BANP: variants seen among roughly 807,000 people sequenced by gnomAD.
BANP encodes protein BANP.
BANP carries 11 observed loss-of-function variants against 68.1 expected under a neutral mutation model. The observed-to-expected ratio is 0.16, with a 90% CI of 0.10 to 0.27. The LOEUF (loss-of-function observed/expected upper bound fraction) is 0.27, where lower values mean the gene tolerates loss of function less well. Among genes scored for constraint, BANP ranks in the 10% least tolerant of loss-of-function variants. BANP has a pLI of 1.00. For missense variants in BANP, 504 were observed against 722.7 expected, an observed-to-expected ratio of 0.70 and a Z score of 3.47; for synonymous variants, 329 against 303.2, an observed-to-expected ratio of 1.09 and a Z score of -0.88.
chr16:87,967,139 C>G (rs537544574), intron 1 of BANP, among the ~76,000 whole-genome samples: 33 of 152,258 alleles, frequency 2.2e-4, no homozygotes, highest in African/African-American at 7.7e-4. Context: ...TGGGCTCTTC[C>G]GTGAGCTCTG....
intron 2 of BANP, among the ~76,000 whole-genome samples, chr16:87,978,873 G>A (rs904314423): frequency 3.3e-4 from 50 of 152,286 alleles, no homozygotes; most frequent in African/African-American, 1.2e-3. Context: ...ACGGCTTCCC[G>A]CAGGATAAGC....
chr16:88,005,557 G>A (rs943016529), intron 5 of BANP, among the ~76,000 whole-genome samples: 24 of 152,186 alleles, frequency 1.6e-4, no homozygotes, highest in African/African-American at 5.6e-4. Context: ...CACATCAGCA[G>A]CCCTTGGGAT....
chr16:88,038,574 G>A (rs530242753), intron 11 of BANP, among the ~76,000 whole-genome samples: 1 of 151,418 alleles, frequency 6.6e-6, no homozygotes, highest in Non-Finnish European at 1.5e-5. Flanking sequence ...AGGTGGTTTC[G>A]CTCCTGTGTA....
chr16:88,030,720 G>A (rs2077997089), intron 8 of BANP, among the ~76,000 whole-genome samples: 1 of 152,190 alleles, frequency 6.6e-6, no homozygotes, highest in Non-Finnish European at 1.5e-5. Flanking sequence ...TGCTGGCTGC[G>A]CTGGTAGGCA....
At position 88,064,193 on chromosome 16, in the gene BANP, A is replaced by T. The variant is rs1444825193; in HGVS notation, c.1312-1074A>T. ...GGGCAGGAGGTGTCGGGGGCTTGAGAGGCGCAGGGGAGCAGGGGGGGAGAG... is the reference window on the plus strand; with the variant it reads ...GGGCAGGAGGTGTCGGGGGCTTGAGTGGCGCAGGGGAGCAGGGGGGGAGAG... On this transcript the variant is annotated intron_variant, in intron 11 of 13. Transcript: ENST00000682872. This position sits in a 1 kb window ranked among gnomAD's most constrained non-coding sequence, Gnocchi z 4.5. 3.9e-5 allele frequency among the ~76,000 whole-genome samples: 4 copies of T among 102,626 alleles called. No individual in the cohort carries two copies. The highest frequency in any genetic ancestry group is 1.6e-4 in the African/African-American group (4 of 25,420). 67.3% of individuals were successfully genotyped at this position (102,626 alleles called of 152,430 possible).
At chr16:87,980,503 G>A (rs565902653) in intron 2 of BANP, 6 of 155,980 alleles carry the variant, frequency 3.8e-5, no homozygotes, top group Admixed American at 3.8e-4. Context: ...GGGGCAGCTG[G>A]TCTCAGCTGT....
chr16:88,061,768 C>G (rs1388741305), intron 11 of BANP, among the ~76,000 whole-genome samples: 3 of 151,966 alleles, frequency 2.0e-5, no homozygotes, highest in East Asian at 1.9e-4. Flanking sequence ...TGGGTTCAAG[C>G]AATTCTCCTG....
chr16:88,076,547 C>T (rs1476786414), intron 13 of BANP, 43 bp from the exon 14 acceptor site: 1 of 1,573,762 alleles, frequency 6.4e-7, no homozygotes. Context: ...CCATGCAGTG[C>T]TGGGTATTTT....
intron 1 of BANP, among the ~76,000 whole-genome samples, chr16:87,962,242 A>AAAAAAAAAG (rs2059310559): frequency 6.7e-6 from 1 of 148,980 alleles, no homozygotes; most frequent in Non-Finnish European, 1.5e-5. Flanking sequence ...TTGGTCTCAA[A>AAAAAAAAAG]AAAAAAAAAA....
At chr16:88,042,996 G>C (rs9927041) in intron 11 of BANP, among the ~76,000 whole-genome samples, 71,923 of 152,112 alleles carry the variant, frequency 0.47, 20,120 homozygotes, top group Non-Finnish European at 0.65. Context: ...ACTTTGGCTG[G>C]TTTCAAAGGT....
intron 6 of BANP, among the ~76,000 whole-genome samples, chr16:88,009,100 A>T (rs1489667856): frequency 6.6e-6 from 1 of 152,138 alleles, no homozygotes; most frequent in Non-Finnish European, 1.5e-5. Flanking sequence ...AATGTCTCTT[A>T]TGTCAGATTT....
At position 88,049,602 on chromosome 16, in the gene BANP, G is replaced by C. The variant is rs563552860; in HGVS notation, c.1311+11591G>C. ...GAAAGGAGGGTGAGAGCCCGCCCCT[G>C]AGGTCCACACACCTGGCATCATAAC... On this transcript the variant is annotated intron_variant, in intron 11 of 13. Coordinates refer to ENST00000682872, the MANE Select transcript of BANP (RefSeq NM_001386991.1). 2.3e-4 allele frequency among the ~76,000 whole-genome samples: 35 copies of C among 152,346 alleles called. No individual in the cohort carries two copies. The South Asian group carries it at 6.2e-3, about 27-fold the overall frequency.
At chr16:87,969,035 T>C (rs1023477641) in intron 1 of BANP, among the ~76,000 whole-genome samples, 1 of 152,170 alleles carries the variant, frequency 6.6e-6, no homozygotes, top group African/African-American at 2.4e-5. Context: ...GACATACTTC[T>C]TAAAAATAAA....
chr16:88,043,435 G>T (rs1425624621), intron 11 of BANP, among the ~76,000 whole-genome samples: 37 of 152,240 alleles, frequency 2.4e-4, no homozygotes, highest in Admixed American at 2.4e-3. Flanking sequence ...CACTGGGGGT[G>T]TGAGGCATCC....
At chr16:88,041,359 G>A (rs1224353372) in intron 11 of BANP, among the ~76,000 whole-genome samples, 8 of 152,180 alleles carry the variant, frequency 5.3e-5, no homozygotes, top group East Asian at 1.9e-4. Flanking sequence ...GCTGGGAAGC[G>A]CCATTGTGCT....
Position 88,004,196 on chromosome 16 carries a change from C to T in BANP, c.363-99C>T. On this transcript the variant is annotated intron_variant, in intron 4 of 13. Coordinates refer to ENST00000682872, the MANE Select transcript of BANP (RefSeq NM_001386991.1). The surrounding 1 kb of genome is among the most constrained non-coding windows in gnomAD (Gnocchi z 7.0). ...CTTAGGCCTCCCCCTCAGTGCGGGT[C>T]CCTGGGAGTGGACTGTGTTGAATGA... 2 of 769,190 alleles carry T rather than the reference C, an allele frequency of 2.6e-6. No individual in the cohort carries two copies. The highest frequency in any genetic ancestry group is 4.5e-6 in the Non-Finnish European group (2 of 446,470). 47.6% of individuals were successfully genotyped at this position (769,190 alleles called of 1,614,324 possible).
At chr16:88,027,055 G>C (rs2077141033) in intron 7 of BANP, among the ~76,000 whole-genome samples, 1 of 152,252 alleles carries the variant, frequency 6.6e-6, no homozygotes, top group African/African-American at 2.4e-5. Flanking sequence ...CAGAGGACCA[G>C]CGAGTTCTGA....
intron 1 of BANP, chr16:87,956,452 A>G (rs951368083): frequency 6.6e-6 from 1 of 152,300 alleles, no homozygotes; most frequent in East Asian, 1.9e-4. Flanking sequence ...GCTCTGAACC[A>G]TCCGGAACTT....
chr16:87,963,359 T>C (rs973466851), intron 1 of BANP: 1 of 152,282 alleles, frequency 6.6e-6, no homozygotes, highest in Non-Finnish European at 1.5e-5. Flanking sequence ...GCAGGGAATA[T>C]ACTCAGTTCA....
Sources: gnomAD v4.1 joint callset for allele counts (sites outside exome capture counted in the v4.1 genomes callset) on GRCh38, gnomAD v4.1.1 for gene constraint, Gnocchi (gnomAD v3.1) non-coding constraint, MANE v1.5 for transcripts, NCBI Gene and HGNC (gene_info 2026-07-23, HGNC 2026-07-21) for gene names.